The following AUH variants were observed in gnomAD, a reference collection of about 807,000 sequenced individuals.
AUH encodes the protein methylglutaconyl-CoA hydratase, mitochondrial.
A neutral mutation model predicts 42.3 loss-of-function variants in AUH; 29 were observed. That is an observed-to-expected ratio of 0.69 (90% CI 0.51 to 0.93). The LOEUF is 0.93. Ranked by LOEUF, AUH falls within the 40% of genes least tolerant of loss-of-function variation. The pLI is 0.00. For missense variants in AUH, 452 were observed against 438.1 expected, an observed-to-expected ratio of 1.03 and a Z score of -0.28; for synonymous variants, 174 against 166.4, an observed-to-expected ratio of 1.05 and a Z score of -0.35.
At position 91,220,859 on chromosome 9, in the gene AUH, C is replaced by G. The variant is rs1335210252; in HGVS notation, c.789G>C (p.Glu263Asp). Residue 263 changes from glutamate (E) to aspartate (D), a missense_variant, in exon 7 of 10, where the codon GAG becomes GAC. Coordinates refer to ENST00000375731, the MANE Select transcript of AUH (RefSeq NM_001698.3). ...LISHVLEQNQ[E>D]GDAAYRKALD... ...AGGCCTTCCTGTAGGCCGCGTCTCCCTCCTGGTTCTGTTCCAGAACGTGGC... is the reference window on the plus strand; with the variant it reads ...AGGCCTTCCTGTAGGCCGCGTCTCCGTCCTGGTTCTGTTCCAGAACGTGGC... The G allele has an allele frequency of 1.2e-6, 2 of 1,614,264 alleles. No individual in the cohort carries two copies. Among genetic ancestry groups the G allele is most frequent in the Non-Finnish European group, 1.7e-6 (2 of 1,180,050 alleles).
chr9:91,274,959 C>T (rs942402562), intron 6 of AUH, among the ~76,000 whole-genome samples: 1 of 152,146 alleles, frequency 6.6e-6, no homozygotes, highest in Non-Finnish European at 1.5e-5. Context: ...CTCCTAACCA[C>T]ACAGAAGAGA....
intron 6 of AUH, among the ~76,000 whole-genome samples, chr9:91,289,044 G>A (rs1826648375): frequency 6.6e-6 from 1 of 152,074 alleles, no homozygotes; most frequent in Non-Finnish European, 1.5e-5. Flanking sequence ...ATCAGAAAAG[G>A]CCAGAAGTGA....
chr9:91,302,872 T>C (rs1470694404), intron 4 of AUH, among the ~76,000 whole-genome samples: 1 of 152,070 alleles, frequency 6.6e-6, no homozygotes, highest in African/African-American at 2.4e-5. Flanking sequence ...AATAGCAAAA[T>C]GACAGTTGTA....
rs145096839 is a variant in AUH at position 91,263,621 on chromosome 9, A to C, written c.655+32400T>G. Among the ~76,000 whole-genome samples, 922 of 152,332 alleles carry C rather than the reference A, an allele frequency of 6.1e-3. 4 individuals carry two copies. Among genetic ancestry groups the C allele is most frequent in the Middle Eastern group, 0.017 (5 of 294 alleles). ...TTCTCAAAATATGTAAATGTAGAAT[A>C]AATCCAATAACACTAGAGAATTTCT... On this transcript the variant is annotated intron_variant, in intron 6 of 9. Transcript: ENST00000375731.
At chr9:91,250,067 T>C (rs796998851) in intron 6 of AUH, among the ~76,000 whole-genome samples, 9 of 150,934 alleles carry the variant, frequency 6.0e-5, no homozygotes, top group African/African-American at 2.2e-4. Flanking sequence ...ATTCTTCTTT[T>C]AGAAAGAAGG....
In AUH at chr9:91,296,062, A is replaced by G. The variant is rs1564075048; in HGVS notation, c.614T>C (p.Met205Thr). 1 of 1,613,958 alleles carries G rather than the reference A, an allele frequency of 6.2e-7. No individual in the cohort carries two copies. The highest frequency in any genetic ancestry group is 1.3e-5 in the African/African-American group (1 of 74,942). The change falls in exon 6 of 10, where the codon ATG becomes ACG. Residue 205 changes from methionine (M) to threonine (T), a missense_variant. Coordinates refer to ENST00000375731, the MANE Select transcript of AUH (RefSeq NM_001698.3). ...DIRVAASSAK[M>T]GLVETKLAII... ...CGCCAATTTTGTTTCAACCAGGCCC[A>G]TTTTTGCAGAGGAAGCTAAAACGAA...
At chr9:91,240,356 T>C (rs1213963451) in intron 6 of AUH, among the ~76,000 whole-genome samples, 4 of 152,306 alleles carry the variant, frequency 2.6e-5, no homozygotes, top group East Asian at 3.9e-4. Flanking sequence ...GAGAGGTCTC[T>C]GGAGGCTTCT....
In AUH at chr9:91,220,981, G is replaced by T. The variant is rs753032086; in HGVS notation, c.667C>A (p.Arg223=). 6 of 1,614,028 alleles carry T rather than the reference G, an allele frequency of 3.7e-6. No individual in the cohort carries two copies. Among genetic ancestry groups the T allele is most frequent in the Non-Finnish European group, 2.5e-6 (3 of 1,180,038 alleles). ...GACATTCCAATGGCGCGTGGCAATC[G>T]CTGTGTCCCCCCTGAGGGGTGAAAG... ...AIIPGGGGTQ[R]LPRAIGMSLA... Residue 223 remains arginine (R), a synonymous_variant, in exon 7 of 10, where the codon CGA becomes AGA. Transcript: ENST00000375731.
chr9:91,228,135 T>C (rs1827630896), intron 6 of AUH, among the ~76,000 whole-genome samples: 2 of 151,732 alleles, frequency 1.3e-5, no homozygotes, highest in South Asian at 2.1e-4. Context: ...ATGGTACCAG[T>C]TCCTCCTTGT....
intron 6 of AUH, among the ~76,000 whole-genome samples, chr9:91,279,336 T>C (rs895641216): frequency 3.3e-5 from 5 of 152,170 alleles, no homozygotes; most frequent in Non-Finnish European, 7.3e-5. Context: ...TACAGAGAAA[T>C]AACTTGTCTA....
chr9:91,244,790 G>A (rs1395144390), intron 6 of AUH, among the ~76,000 whole-genome samples: 2 of 152,160 alleles, frequency 1.3e-5, no homozygotes, highest in African/African-American at 4.8e-5. Flanking sequence ...CTCCTAGCAA[G>A]AACCATCAAA....
chr9:91,274,941 A>T (rs1825426312), intron 6 of AUH, among the ~76,000 whole-genome samples: 1 of 152,230 alleles, frequency 6.6e-6, no homozygotes. Context: ...ATTAAACTGA[A>T]CTAGTTGCTC....
At chr9:91,299,254 C>T (rs150550097) in intron 4 of AUH, among the ~76,000 whole-genome samples, 263 of 152,154 alleles carry the variant, frequency 1.7e-3, no homozygotes, top group Non-Finnish European at 3.3e-3. Flanking sequence ...TAAAAAGGTA[C>T]TATCCCCCAA....
chr9:91,353,695 G>A lies in AUH; in HGVS notation c.418+2188C>T, dbSNP rs888751524. Reference sequence around the variant, plus strand: ...TCTACTAAAAATATAAAAATTAGCCGGGCTTGGTGGCGGGCGCCTGTAGTT... The same window carrying A: ...TCTACTAAAAATATAAAAATTAGCCAGGCTTGGTGGCGGGCGCCTGTAGTT... On this transcript the variant is annotated intron_variant, in intron 3 of 9. Coordinates refer to ENST00000375731, the MANE Select transcript of AUH (RefSeq NM_001698.3). 1.5e-4 allele frequency among the ~76,000 whole-genome samples: 22 copies of A among 151,522 alleles called. 1 individual carries two copies. In the Middle Eastern group the frequency reaches 0.014, roughly 94 times the overall value.
rs184710218 is a variant in AUH, at chr9:91,300,039, A to T, written c.506-1963T>A. 2.2e-3 allele frequency among the ~76,000 whole-genome samples: 334 copies of T among 152,326 alleles called. 2 individuals carry two copies. Among genetic ancestry groups the T allele is most frequent in the Non-Finnish European group, 3.3e-3 (224 of 68,030 alleles). On this transcript the variant is annotated intron_variant, in intron 4 of 9. Coordinates refer to ENST00000375731, the MANE Select transcript of AUH (RefSeq NM_001698.3). ...ACCAATGACATTATAAGATTGTCCT[A>T]TAGCCAGTGGACAATATTCAGTACC...
chr9:91,224,439 C>T (rs768910153), intron 6 of AUH, among the ~76,000 whole-genome samples: 1 of 152,154 alleles, frequency 6.6e-6, no homozygotes, highest in Non-Finnish European at 1.5e-5. Context: ...GTGCCTGATG[C>T]ATAAAAGTCT....
chr9:91,216,301 TGA>T (rs1826817728), intron 8 of AUH, among the ~76,000 whole-genome samples, 195 bp from the exon 9 acceptor site: 1 of 152,132 alleles, frequency 6.6e-6, no homozygotes, highest in African/African-American at 2.4e-5. Context: ...ACTTGGGAGC[TGA>T]GTTACCTTGG....
At chr9:91,345,701 C>T (rs934714108) in intron 3 of AUH, among the ~76,000 whole-genome samples, 6 of 151,850 alleles carry the variant, frequency 4.0e-5, no homozygotes, top group Admixed American at 2.0e-4. Context: ...GGCGTGGTGG[C>T]GAGCCCCTGT....
chr9:91,349,405 T>C (rs997951417), intron 3 of AUH, among the ~76,000 whole-genome samples: 1 of 152,232 alleles, frequency 6.6e-6, no homozygotes, highest in Non-Finnish European at 1.5e-5. Flanking sequence ...TTCTCAGTAA[T>C]TTCTCACAAA....
Sources: gnomAD v4.1 joint callset for allele counts (sites outside exome capture counted in the v4.1 genomes callset) on GRCh38, gnomAD v4.1.1 for gene constraint, MANE v1.5 for transcripts, NCBI Gene and HGNC (gene_info 2026-07-23, HGNC 2026-07-21) for gene names.